Variants in MTUS2 observed in about 807,000 individuals in gnomAD.
The protein encoded by MTUS2 is microtubule associated scaffold protein 2.
A neutral mutation model predicts 114.1 loss-of-function variants in MTUS2; 40 were observed. The observed-to-expected ratio is 0.35, with a 90% CI of 0.27 to 0.46. MTUS2 has a LOEUF of 0.46. Among genes scored for constraint, MTUS2 ranks in the 20% least tolerant of loss-of-function variants. The probability of loss-of-function intolerance (pLI) is 1.00; values close to 1 mark genes in which losing one functional copy is unlikely to be tolerated. For synonymous variants in MTUS2, 688 were observed against 672.0 expected (o/e 1.02, Z -0.37); for missense variants, 1,679 against 1,705.4 (o/e 0.98, Z 0.27).
chr13:29,106,696 A>G (rs1461336374), intron 5 of MTUS2, among the ~76,000 whole-genome samples: 1 of 151,802 alleles, frequency 6.6e-6, no homozygotes, highest in African/African-American at 2.4e-5. Flanking sequence ...TTCACTCATC[A>G]TTTCTGGTGA....
chr13:28,928,343 G>T (rs1441874256), intron 2 of MTUS2, among the ~76,000 whole-genome samples: 1 of 152,132 alleles, frequency 6.6e-6, no homozygotes, highest in Non-Finnish European at 1.5e-5. Flanking sequence ...GAAAATATTT[G>T]CAAATTACCC....
chr13:29,226,330 C>A (rs1593191017), intron 5 of MTUS2, among the ~76,000 whole-genome samples: 1 of 152,134 alleles, frequency 6.6e-6, no homozygotes, highest in South Asian at 2.1e-4. Context: ...ACTTAGGTGG[C>A]TTTTCATATT....
intron 2 of MTUS2, among the ~76,000 whole-genome samples, chr13:28,909,290 A>G (rs1880251866): frequency 6.6e-6 from 1 of 151,580 alleles, no homozygotes; most frequent in Non-Finnish European, 1.5e-5. Context: ...CAGTATGGCC[A>G]TTTTCACGAT....
At chr13:29,363,341 T>G (rs757882059) in intron 8 of MTUS2, among the ~76,000 whole-genome samples, 16 of 152,210 alleles carry the variant, frequency 1.1e-4, no homozygotes, top group Non-Finnish European at 1.5e-4. Flanking sequence ...TATTCTTGTC[T>G]TCTTTGTTAA....
chr13:29,399,496 CAAAAATTATCA>C (rs767543559), intron 8 of MTUS2, among the ~76,000 whole-genome samples: 6 of 152,032 alleles, frequency 3.9e-5, no homozygotes, highest in Non-Finnish European at 7.4e-5. Flanking sequence ...CAAAGATTAT[CAAAAATTATCA>C]AAGAATCAGA....
chr13:29,304,554 A>G (rs1300680094), intron 6 of MTUS2, among the ~76,000 whole-genome samples: 2 of 152,246 alleles, frequency 1.3e-5, no homozygotes, highest in East Asian at 3.8e-4. Context: ...GCATTACATA[A>G]TGGTAAAGGG....
In MTUS2 at chr13:28,997,821, T is replaced by C. The variant is rs573998711; in HGVS notation, c.-242-26636T>C. Among the ~76,000 whole-genome samples the C allele has an allele frequency of 3.0e-3, 456 of 152,256 alleles. 2 individuals carry two copies. Among genetic ancestry groups the C allele is most frequent in the African/African-American group, 0.01 (433 of 41,548 alleles). On this transcript the variant is annotated intron_variant, in intron 2 of 15. Coordinates refer to ENST00000612955, the MANE Select transcript of MTUS2 (RefSeq NM_001033602.4). ...GATGGGTTTCCTGAATACAGCACAA[T>C]GATGGGTCTTGACTCTTTATCCAAT... is the stretch of plus-strand genomic sequence containing the variant.
chr13:29,025,701 C>T lies in MTUS2; in HGVS notation c.1003C>T (p.His335Tyr). ...KAAQEGYLGCHKEENLSALEG... is the reference protein window; with the variant it reads ...KAAQEGYLGCYKEENLSALEG... Reference sequence around the variant, plus strand: ...AGCCCAGGAAGGGTATCTGGGATGCCACAAGGAAGAGAATCTGTCAGCCTT... The same window carrying T: ...AGCCCAGGAAGGGTATCTGGGATGCTACAAGGAAGAGAATCTGTCAGCCTT... Residue 335 changes from histidine (H) to tyrosine (Y), a missense_variant, in exon 3 of 16, where the codon CAC becomes TAC. His to Tyr is a moderately conservative substitution (Grantham distance 83, BLOSUM62 2). This residue lies in a region of MTUS2 where 843 missense variants were observed against 770.8 expected (regional missense o/e 1.09). Transcript: ENST00000612955. 1.2e-6 allele frequency: 2 copies of T among 1,613,946 alleles called. No individual in the cohort carries two copies. Among genetic ancestry groups the T allele is most frequent in the Non-Finnish European group, 1.7e-6 (2 of 1,179,886 alleles).
chr13:29,364,202 T>TA (rs570080297), intron 8 of MTUS2, among the ~76,000 whole-genome samples: 1 of 151,832 alleles, frequency 6.6e-6, no homozygotes, highest in Non-Finnish European at 1.5e-5. Flanking sequence ...GCTGTTGCCA[T>TA]AAAAAAAATA....
intron 2 of MTUS2, among the ~76,000 whole-genome samples, chr13:28,955,115 A>G (rs1246059497): frequency 1.3e-5 from 2 of 152,178 alleles, no homozygotes; most frequent in East Asian, 3.8e-4. Flanking sequence ...GTCTGGTCTG[A>G]TAGGATCCAA....
At chr13:29,083,317 A>G (rs565207739) in intron 4 of MTUS2, among the ~76,000 whole-genome samples, 6 of 152,320 alleles carry the variant, frequency 3.9e-5, no homozygotes, top group African/African-American at 1.4e-4. Context: ...TGTCATCAAT[A>G]TAATGTCATG....
intron 2 of MTUS2, among the ~76,000 whole-genome samples, chr13:28,851,390 G>T (rs1285648387): frequency 1.3e-5 from 2 of 152,156 alleles, no homozygotes; most frequent in Non-Finnish European, 2.9e-5. Flanking sequence ...CATGGCATTG[G>T]CTGATCTACA....
chr13:29,384,068 A>T (rs1872463351), intron 8 of MTUS2, among the ~76,000 whole-genome samples: 1 of 152,240 alleles, frequency 6.6e-6, no homozygotes, highest in Admixed American at 6.5e-5. Context: ...ATGCTTTTTC[A>T]GTGCATTCAG....
chr13:29,247,089 A>G (rs1896954460), intron 5 of MTUS2, among the ~76,000 whole-genome samples: 1 of 152,224 alleles, frequency 6.6e-6, no homozygotes, highest in Admixed American at 6.5e-5. Flanking sequence ...TGGACAGAAT[A>G]GAAAACCCAG....
chr13:29,033,827 A>G, intron 3 of MTUS2, 58 bp from the exon 4 acceptor site: 1 of 1,603,470 alleles, frequency 6.2e-7, no homozygotes, highest in East Asian at 2.2e-5. Context: ...GTGGTCCTGT[A>G]TAGAACTCAC....
chr13:29,392,875 A>C (rs1412799292), intron 8 of MTUS2, among the ~76,000 whole-genome samples: 1 of 152,238 alleles, frequency 6.6e-6, no homozygotes, highest in Non-Finnish European at 1.5e-5. Flanking sequence ...ACAATGGTAA[A>C]TTTCATCATA....
chr13:29,431,728 A>T (rs1480050825), intron 8 of MTUS2, among the ~76,000 whole-genome samples: 2 of 152,230 alleles, frequency 1.3e-5, no homozygotes, highest in African/African-American at 4.8e-5. Context: ...GCCTCATTTT[A>T]TGAAACATGA....
At chr13:29,357,489 G>A (rs1214900746) in intron 7 of MTUS2, among the ~76,000 whole-genome samples, 1 of 152,182 alleles carries the variant, frequency 6.6e-6, no homozygotes, top group African/African-American at 2.4e-5. Context: ...ACGAGCCACA[G>A]CAATAAAATG....
chr13:29,407,935 T>C (rs1172145357), intron 8 of MTUS2, among the ~76,000 whole-genome samples: 2 of 152,252 alleles, frequency 1.3e-5, no homozygotes, highest in Admixed American at 6.5e-5. Context: ...CACTAATTAT[T>C]ATTTAAGAAT....
Sources: allele counts gnomAD v4.1 joint callset (sites outside exome capture counted in the v4.1 genomes callset), GRCh38; gene constraint gnomAD v4.1.1; regional missense constraint gnomAD v4.1.1; transcripts MANE v1.5; gene names NCBI Gene and HGNC (gene_info 2026-07-23, HGNC 2026-07-21).